The following MARCHF1 variants were observed in gnomAD, a reference collection of about 807,000 sequenced individuals.
The protein encoded by MARCHF1 is membrane associated ring-CH-type finger 1.
In MARCHF1, 40 loss-of-function variants were observed where a neutral mutation model predicts 54.2. The ratio of observed to expected loss-of-function variants is 0.74; its 90% CI spans 0.57 to 0.96. The LOEUF (loss-of-function observed/expected upper bound fraction) is 0.96. Ranked by LOEUF, MARCHF1 falls within the 40% of genes least tolerant of loss-of-function variation. The pLI is 0.00. For missense variants in MARCHF1, 586 were observed against 656.5 expected (o/e 0.89, Z 1.17); for synonymous variants, 236 against 236.3 (o/e 1.00, Z 0.01).
intron 2 of MARCHF1, among the ~76,000 whole-genome samples, chr4:164,000,173 T>C (rs1753158891): frequency 6.6e-6 from 1 of 151,744 alleles, no homozygotes; most frequent in African/African-American, 2.4e-5. Context: ...TAAGTTTCTA[T>C]ACTACTTGGC....
chr4:163,631,884 G>T (rs62334281), intron 5 of MARCHF1, among the ~76,000 whole-genome samples: 1 of 152,156 alleles, frequency 6.6e-6, no homozygotes, highest in Non-Finnish European at 1.5e-5. Context: ...CCTACATACA[G>T]AGAAAATATT....
At chr4:164,010,135 C>T (rs920402668) in intron 2 of MARCHF1, among the ~76,000 whole-genome samples, 1 of 145,840 alleles carries the variant, frequency 6.9e-6, no homozygotes, top group Admixed American at 7.0e-5. Flanking sequence ...GGCGCAATCT[C>T]GGCTCACTGC....
intron 3 of MARCHF1, among the ~76,000 whole-genome samples, chr4:163,903,354 A>G (rs1750982030): frequency 6.6e-6 from 1 of 152,182 alleles, no homozygotes; most frequent in Non-Finnish European, 1.5e-5. Context: ...ATCTCTATTT[A>G]ACCTGGGAAT....
At chr4:164,248,654 TTCAG>T (rs1733030827) in intron 1 of MARCHF1, among the ~76,000 whole-genome samples, 1 of 152,046 alleles carries the variant, frequency 6.6e-6, no homozygotes, top group Non-Finnish European at 1.5e-5. Context: ...TTTAAAGAAG[TTCAG>T]TAATATATTC....
chr4:163,670,545 G>GT (rs1342040604), intron 5 of MARCHF1, among the ~76,000 whole-genome samples: 1 of 151,176 alleles, frequency 6.6e-6, no homozygotes, highest in East Asian at 1.9e-4. Flanking sequence ...TTTTGTTTCT[G>GT]TTTTTTTCTT....
intron 1 of MARCHF1, among the ~76,000 whole-genome samples, chr4:164,156,645 C>T (rs1730084844): frequency 6.6e-6 from 1 of 152,128 alleles, no homozygotes; most frequent in Admixed American, 6.6e-5. Context: ...CGGTCTCAAA[C>T]TCCTGAGCTC....
intron 1 of MARCHF1, among the ~76,000 whole-genome samples, chr4:164,253,527 A>G (rs1733184392): frequency 6.6e-6 from 1 of 152,198 alleles, no homozygotes; most frequent in African/African-American, 2.4e-5. Flanking sequence ...GCAGTGGATT[A>G]CAGCAAAAAT....
intron 1 of MARCHF1, among the ~76,000 whole-genome samples, chr4:164,179,869 C>T (rs970002556): frequency 4.1e-4 from 62 of 150,696 alleles, no homozygotes; most frequent in African/African-American, 1.5e-3. Flanking sequence ...GAAAATTTTG[C>T]TCAGTCTAAG....
intron 1 of MARCHF1, among the ~76,000 whole-genome samples, chr4:164,185,109 T>C (rs1354608924): frequency 2.6e-5 from 4 of 152,224 alleles, no homozygotes; most frequent in African/African-American, 9.6e-5. Context: ...CATTTTATTT[T>C]CCTCACAAAA....
At chr4:163,983,197 C>T (rs1256509970) in intron 3 of MARCHF1, among the ~76,000 whole-genome samples, 1 of 152,076 alleles carries the variant, frequency 6.6e-6, no homozygotes. Context: ...GCCACATGAT[C>T]ATTTTCAAGG....
chr4:163,968,386 G>A (rs10517793), intron 3 of MARCHF1, among the ~76,000 whole-genome samples: 80,654 of 151,814 alleles, frequency 0.53, 22,952 homozygotes, highest in Middle Eastern at 0.68. Context: ...AGATTTCTAC[G>A]TGGCCAATTT....
At chr4:164,322,330 A>C (rs115300667) in intron 1 of MARCHF1, among the ~76,000 whole-genome samples, 2,586 of 152,200 alleles carry the variant, frequency 0.017, 68 homozygotes, top group African/African-American at 0.059. Flanking sequence ...GTGATAAAGA[A>C]AGACAATATA....
intron 1 of MARCHF1, among the ~76,000 whole-genome samples, chr4:164,242,333 C>G (rs1024044631): frequency 2.7e-5 from 4 of 146,974 alleles, no homozygotes; most frequent in African/African-American, 1.0e-4. Flanking sequence ...GACCCCCGAG[C>G]AGCCTAACTG....
chr4:164,112,887 C>T (rs979618153), intron 1 of MARCHF1, among the ~76,000 whole-genome samples: 1 of 149,878 alleles, frequency 6.7e-6, no homozygotes, highest in Non-Finnish European at 1.5e-5. Context: ...TTATTATTTC[C>T]ACTTTCGCTG....
intron 2 of MARCHF1, among the ~76,000 whole-genome samples, chr4:164,045,957 G>A (rs1754233466): frequency 6.6e-6 from 1 of 152,166 alleles, no homozygotes; most frequent in Non-Finnish European, 1.5e-5. Context: ...GTCACTTCAT[G>A]GATGCTGGCA....
chr4:164,190,216 A>C, intron 1 of MARCHF1: 1 of 1,485,174 alleles, frequency 6.7e-7, no homozygotes, highest in Non-Finnish European at 9.3e-7. Context: ...GACATTGAAG[A>C]CTTCGAAGCT....
intron 4 of MARCHF1, among the ~76,000 whole-genome samples, chr4:163,752,850 C>T (rs1157730730): frequency 6.6e-6 from 1 of 152,154 alleles, no homozygotes; most frequent in Non-Finnish European, 1.5e-5. Flanking sequence ...AGTTCGACAA[C>T]ATCAAATCTT....
rs1188605756 is a variant in MARCHF1, at chr4:163,894,569, ATATG to A, written c.-38-40404_-38-40401del. The stretch of plus-strand genomic sequence containing the variant: ...TCTACTCCTGCACATGCATATATAT[ATATG>A]CATGTGATGCATATATATATATGCA... On this transcript the variant is annotated intron_variant, in intron 3 of 9. Coordinates refer to ENST00000514618, the MANE Select transcript of MARCHF1 (RefSeq NM_001394959.1). Among the ~76,000 whole-genome samples, 57 of 145,466 alleles carry A rather than the reference ATATG, an allele frequency of 3.9e-4. 4 individuals carry two copies. The highest frequency in any genetic ancestry group is 2.1e-3 in the East Asian group (10 of 4,848).
At chr4:164,259,429 A>G (rs1218029814) in intron 1 of MARCHF1, among the ~76,000 whole-genome samples, 1 of 151,084 alleles carries the variant, frequency 6.6e-6, no homozygotes, top group Non-Finnish European at 1.5e-5. Context: ...CTGTAATCCC[A>G]GCTATCCAGG....
Sources: allele counts gnomAD v4.1 joint callset (sites outside exome capture counted in the v4.1 genomes callset), GRCh38; gene constraint gnomAD v4.1.1; transcripts MANE v1.5; gene names NCBI Gene and HGNC (gene_info 2026-07-23, HGNC 2026-07-21).